The following NKAIN2 variants were observed in gnomAD, a reference collection of about 807,000 sequenced individuals.
NKAIN2 encodes sodium/potassium transporting ATPase interacting 2, also known as sodium/potassium-transporting ATPase subunit beta-1-interacting protein 2.
In NKAIN2, 14 loss-of-function variants were observed where a neutral mutation model predicts 32.6. That is an observed-to-expected ratio of 0.43 (90% confidence interval 0.28 to 0.67). The LOEUF is 0.67. Ranked by LOEUF, NKAIN2 falls within the 30% of genes least tolerant of loss-of-function variation. The pLI is 0.17. For missense variants in NKAIN2, 198 were observed against 258.3 expected, an observed-to-expected ratio of 0.77 and a Z score of 1.60; for synonymous variants, 80 against 87.2, an observed-to-expected ratio of 0.92 and a Z score of 0.46.
At chr6:124,257,609 A>G (rs1794009832) in intron 1 of NKAIN2, among the ~76,000 whole-genome samples, 1 of 152,096 alleles carries the variant, frequency 6.6e-6, no homozygotes, top group Non-Finnish European at 1.5e-5. Flanking sequence ...AAGACCTAAA[A>G]AGGTCTACTC....
intron 3 of NKAIN2, among the ~76,000 whole-genome samples, chr6:124,546,798 G>A (rs1213710738): frequency 1.3e-5 from 2 of 152,146 alleles, no homozygotes; most frequent in East Asian, 1.9e-4. Flanking sequence ...GCTTTTGGTT[G>A]TGAAAGTAGG....
intron 3 of NKAIN2, among the ~76,000 whole-genome samples, chr6:124,408,999 G>A (rs1397737463): frequency 6.6e-6 from 1 of 152,094 alleles, no homozygotes; most frequent in Non-Finnish European, 1.5e-5. Context: ...CTGTTTGTCT[G>A]TTATTGGTGT....
intron 3 of NKAIN2, among the ~76,000 whole-genome samples, chr6:124,433,941 G>A (rs332626): frequency 0.16 from 24,621 of 152,104 alleles, 2,181 homozygotes; most frequent in East Asian, 0.24. Flanking sequence ...TGCATGCAGT[G>A]CACTAATTCA....
At chr6:124,693,293 T>G (rs1387454992) in intron 4 of NKAIN2, among the ~76,000 whole-genome samples, 1 of 152,206 alleles carries the variant, frequency 6.6e-6, no homozygotes, top group Non-Finnish European at 1.5e-5. Context: ...CACCATTCAG[T>G]ACAGTAACAT....
intron 1 of NKAIN2, among the ~76,000 whole-genome samples, chr6:124,156,251 C>A (rs1313366012): frequency 6.6e-6 from 1 of 152,208 alleles, no homozygotes; most frequent in East Asian, 1.9e-4. Flanking sequence ...CTATATGTTT[C>A]TTTTAATTTA....
intron 1 of NKAIN2, among the ~76,000 whole-genome samples, chr6:123,900,537 T>TTG (rs1774522706): frequency 6.0e-5 from 5 of 83,318 alleles, no homozygotes; most frequent in Non-Finnish European, 1.0e-4. Context: ...GATTAGTTTT[T>TTG]TTTTTTTTTT....
intron 3 of NKAIN2, among the ~76,000 whole-genome samples, chr6:124,655,118 T>G (rs912467644): frequency 2.0e-5 from 3 of 152,122 alleles, no homozygotes; most frequent in African/African-American, 7.2e-5. Context: ...TATAAATATT[T>G]TATATGAAAT....
intron 5 of NKAIN2, among the ~76,000 whole-genome samples, chr6:124,814,650 T>C (rs1203358353): frequency 2.6e-5 from 4 of 152,244 alleles, no homozygotes. Context: ...TCAAGCTCCA[T>C]TCGCATCACA....
At chr6:124,368,428 CTA>C (rs1271432389) in intron 3 of NKAIN2, among the ~76,000 whole-genome samples, 1 of 152,056 alleles carries the variant, frequency 6.6e-6, no homozygotes, top group Non-Finnish European at 1.5e-5. Context: ...ACATCTTTTA[CTA>C]TTCCTAAAAC....
intron 3 of NKAIN2, among the ~76,000 whole-genome samples, chr6:124,414,433 A>T (rs1030636813): frequency 6.6e-6 from 1 of 152,204 alleles, no homozygotes; most frequent in Middle Eastern, 3.4e-3. Context: ...TGCTATATCT[A>T]TGTTCATGAG....
At chr6:124,028,040 T>C (rs897519304) in intron 1 of NKAIN2, among the ~76,000 whole-genome samples, 3 of 152,112 alleles carry the variant, frequency 2.0e-5, no homozygotes, top group African/African-American at 7.2e-5. Flanking sequence ...CTGGAAGATA[T>C]GTTGCTCTTT....
chr6:124,111,132 C>T (rs938230595), intron 1 of NKAIN2, among the ~76,000 whole-genome samples: 64 of 152,170 alleles, frequency 4.2e-4, no homozygotes, highest in African/African-American at 1.4e-3. Context: ...TGTGATCTAA[C>T]ATATGAAATA....
chr6:124,397,879 G>C (rs1347610406), intron 3 of NKAIN2, among the ~76,000 whole-genome samples: 1 of 152,084 alleles, frequency 6.6e-6, no homozygotes, highest in Non-Finnish European at 1.5e-5. Flanking sequence ...TTCATTGGAA[G>C]AAGAATGGCC....
chr6:123,937,835 A>G (rs1776589860), intron 1 of NKAIN2, among the ~76,000 whole-genome samples: 1 of 152,002 alleles, frequency 6.6e-6, no homozygotes, highest in African/African-American at 2.4e-5. Context: ...CTTTTCCTCA[A>G]TTTCACAGCC....
At chr6:124,324,824 T>G (rs1422360090) in intron 2 of NKAIN2, among the ~76,000 whole-genome samples, 1 of 152,102 alleles carries the variant, frequency 6.6e-6, no homozygotes, top group Non-Finnish European at 1.5e-5. Flanking sequence ...TCAAATGATA[T>G]AATCATGCAA....
intron 3 of NKAIN2, among the ~76,000 whole-genome samples, chr6:124,613,615 T>A (rs1430018659): frequency 6.6e-6 from 1 of 152,176 alleles, no homozygotes; most frequent in Non-Finnish European, 1.5e-5. Flanking sequence ...GAAAAAGCCA[T>A]GGATGCCAAG....
Position 124,113,978 on chromosome 6 carries a change from T to C in NKAIN2, c.55-169027T>C, listed in dbSNP as rs992839302. Among the ~76,000 whole-genome samples the C allele has an allele frequency of 3.9e-5, 6 of 152,322 alleles. No homozygotes were observed. In the South Asian group the frequency reaches 1.0e-3, roughly 26 times the overall value. On this transcript the variant is annotated intron_variant, in intron 1 of 6. Coordinates refer to ENST00000368417, the MANE Select transcript of NKAIN2 (RefSeq NM_001040214.3). ...TGCTACATTCTTGTATGATTAGTTT[T>C]GTAGGCATATGTTTTTATGTCTCTT...
intron 1 of NKAIN2, among the ~76,000 whole-genome samples, chr6:123,944,225 T>A (rs1659166138): frequency 6.6e-6 from 1 of 152,060 alleles, no homozygotes. Flanking sequence ...GTCATCAGCC[T>A]TCATTCCAGT....
At chr6:124,287,088 A>G (rs1163227112) in intron 2 of NKAIN2, among the ~76,000 whole-genome samples, 1 of 152,212 alleles carries the variant, frequency 6.6e-6, no homozygotes, top group Non-Finnish European at 1.5e-5. Flanking sequence ...TTAAAACATC[A>G]TAAAGCTTCC....
Sources: allele counts gnomAD v4.1 joint callset (sites outside exome capture counted in the v4.1 genomes callset), GRCh38; gene constraint gnomAD v4.1.1; transcripts MANE v1.5; gene names NCBI Gene and HGNC (gene_info 2026-07-23, HGNC 2026-07-21).